TECRL: variants seen among roughly 807,000 people sequenced by gnomAD.
TECRL encodes the protein trans-2,3-enoyl-CoA reductase like.
In TECRL, 63 loss-of-function variants were observed where a neutral mutation model predicts 52.8. The observed-to-expected ratio is 1.19, with a 90% CI of 0.97 to 1.47. The LOEUF (loss-of-function observed/expected upper bound fraction) is 1.47, where lower values mean the gene tolerates loss of function less well. Among genes scored for constraint, TECRL ranks in the 40% most tolerant of loss-of-function variants. The pLI is 0.00. For missense variants in TECRL, 482 were observed against 429.6 expected, an observed-to-expected ratio of 1.12 and a Z score of -1.08; for synonymous variants, 164 against 141.9, an observed-to-expected ratio of 1.16 and a Z score of -1.10.
chr4:64,339,222 G>A (rs1719360185), intron 2 of TECRL, among the ~76,000 whole-genome samples: 1 of 140,500 alleles, frequency 7.1e-6, no homozygotes, highest in South Asian at 2.2e-4. Flanking sequence ...TCATAGGTGG[G>A]AATTGAACAA....
chr4:64,377,999 T>G (rs1249270114), intron 1 of TECRL, among the ~76,000 whole-genome samples: 1 of 152,050 alleles, frequency 6.6e-6, no homozygotes, highest in Non-Finnish European at 1.5e-5. Context: ...AAAACCTAAA[T>G]TTGTCACTAA....
chr4:64,391,450 A>C (rs760628722), intron 1 of TECRL, among the ~76,000 whole-genome samples: 2 of 151,858 alleles, frequency 1.3e-5, no homozygotes, highest in Non-Finnish European at 2.9e-5. Flanking sequence ...AAATGACCAG[A>C]ACTGAGTCCT....
At chr4:64,325,571 T>C (rs896527711) in intron 3 of TECRL, among the ~76,000 whole-genome samples, 1 of 152,150 alleles carries the variant, frequency 6.6e-6, no homozygotes, top group Non-Finnish European at 1.5e-5. Context: ...ATTTGTTACA[T>C]AGCAATACAA....
At chr4:64,339,513 T>C (rs1237161615) in intron 2 of TECRL, among the ~76,000 whole-genome samples, 1 of 152,058 alleles carries the variant, frequency 6.6e-6, no homozygotes, top group Non-Finnish European at 1.5e-5. Context: ...CACTAGACTT[T>C]ACTATCTAAT....
At chr4:64,379,720 C>T (rs1479863481) in intron 1 of TECRL, among the ~76,000 whole-genome samples, 2 of 152,036 alleles carry the variant, frequency 1.3e-5, no homozygotes, top group Admixed American at 1.3e-4. Context: ...TTTTTAAACC[C>T]CCACACATGA....
chr4:64,400,620 G>A (rs1724287781), intron 1 of TECRL, among the ~76,000 whole-genome samples: 1 of 152,118 alleles, frequency 6.6e-6, no homozygotes, highest in African/African-American at 2.4e-5. Flanking sequence ...CATGGGGGAA[G>A]ATTTCTCATG....
intron 7 of TECRL, among the ~76,000 whole-genome samples, chr4:64,302,564 A>G (rs1449979960): frequency 6.7e-6 from 1 of 149,474 alleles, no homozygotes; most frequent in Non-Finnish European, 1.5e-5. Context: ...TAAAGATTAA[A>G]CAGGTAAAGT....
intron 2 of TECRL, among the ~76,000 whole-genome samples, chr4:64,330,084 T>C (rs1480881662): frequency 6.6e-6 from 1 of 151,906 alleles, no homozygotes. Context: ...ACATCTATCA[T>C]GGCTTAAAGT....
chr4:64,306,340 A>C (rs892933417), intron 6 of TECRL, among the ~76,000 whole-genome samples: 31 of 152,042 alleles, frequency 2.0e-4, no homozygotes, highest in Non-Finnish European at 3.4e-4. Flanking sequence ...ACTTAGAAGG[A>C]TATCCTGGGG....
intron 1 of TECRL, among the ~76,000 whole-genome samples, chr4:64,383,293 C>G (rs896862445): frequency 6.6e-6 from 1 of 150,888 alleles, no homozygotes. Context: ...GCTCCTGTAT[C>G]TGGATGTCTA....
chr4:64,347,624 GA>G (rs1304060003), intron 2 of TECRL, among the ~76,000 whole-genome samples: 3 of 152,072 alleles, frequency 2.0e-5, no homozygotes, highest in Non-Finnish European at 4.4e-5. Context: ...GCAGGAGAGA[GA>G]AAAATAAAGC....
At chr4:64,384,816 G>T (rs369171215) in intron 1 of TECRL, among the ~76,000 whole-genome samples, 35 of 152,084 alleles carry the variant, frequency 2.3e-4, no homozygotes, top group Non-Finnish European at 4.3e-4. Flanking sequence ...ATGAATTCTT[G>T]TGGCTTCAGC....
intron 8 of TECRL, among the ~76,000 whole-genome samples, chr4:64,290,536 A>G (rs188793726): frequency 3.2e-4 from 48 of 152,292 alleles, no homozygotes; most frequent in Non-Finnish European, 5.9e-5. Context: ...CTTGTAATAT[A>G]TCCCAAAAGT....
At chr4:64,395,750 T>C (rs1723901376) in intron 1 of TECRL, among the ~76,000 whole-genome samples, 1 of 152,160 alleles carries the variant, frequency 6.6e-6, no homozygotes, top group South Asian at 2.1e-4. Flanking sequence ...AGTTTGGTTA[T>C]TTTAGCTTAG....
chr4:64,349,767 C>T (rs560233514), intron 2 of TECRL, among the ~76,000 whole-genome samples: 58 of 152,094 alleles, frequency 3.8e-4, no homozygotes, highest in Admixed American at 3.1e-3. Flanking sequence ...GGAATTCGAC[C>T]CATGAATTGA....
chr4:64,325,118 G>A (rs995540221), intron 3 of TECRL, among the ~76,000 whole-genome samples: 9 of 152,132 alleles, frequency 5.9e-5, no homozygotes, highest in African/African-American at 9.7e-5. Flanking sequence ...GAAGGTCAAC[G>A]TCAAGGATAC....
intron 2 of TECRL, among the ~76,000 whole-genome samples, chr4:64,363,677 A>T (rs1721359896): frequency 6.6e-6 from 1 of 152,200 alleles, no homozygotes; most frequent in African/African-American, 2.4e-5. Context: ...GAAGAGGAAC[A>T]GGCTATAACC....
intron 7 of TECRL, among the ~76,000 whole-genome samples, chr4:64,301,063 T>C (rs1260790807): frequency 6.6e-6 from 1 of 150,962 alleles, no homozygotes; most frequent in Non-Finnish European, 1.5e-5. Flanking sequence ...TCATAGAATA[T>C]ATATATACAA....
In TECRL at chr4:64,370,412, A is replaced by C. The variant is rs534760008; in HGVS notation, c.286+4760T>G. Among the ~76,000 whole-genome samples the C allele has an allele frequency of 3.3e-5, 5 of 152,010 alleles. No individual in the cohort carries two copies. In the South Asian group the frequency reaches 1.0e-3, roughly 31 times the overall value. On this transcript the variant is annotated intron_variant, in intron 2 of 11. Transcript: ENST00000381210. ...AATATTTGATAAGCACAGGAGGCTA[A>C]TAATTTCTCAGAGACATTTAGATTT...
Sources: gnomAD v4.1 joint callset for allele counts (sites outside exome capture counted in the v4.1 genomes callset) on GRCh38, gnomAD v4.1.1 for gene constraint, MANE v1.5 for transcripts, NCBI Gene and HGNC (gene_info 2026-07-23, HGNC 2026-07-21) for gene names.